Variants in HOXC4 observed in about 807,000 individuals in gnomAD.
HOXC4 encodes homeobox protein Hox-C4.
Under a neutral mutation model 25.5 loss-of-function variants are expected in HOXC4, and 15 were observed. That is an observed-to-expected ratio of 0.59 (90% CI 0.39 to 0.91). The LOEUF (loss-of-function observed/expected upper bound fraction) is 0.91. Among genes scored for constraint, HOXC4 ranks in the 40% least tolerant of loss-of-function variants. The pLI, the probability that HOXC4 is intolerant of heterozygous loss-of-function variation, is 0.00. For missense variants in HOXC4, 342 were observed against 352.4 expected, an observed-to-expected ratio of 0.97 and a Z score of 0.24; for synonymous variants, 165 against 148.0, an observed-to-expected ratio of 1.11 and a Z score of -0.83.
In HOXC4 at chr12:54,054,441, C is replaced by A. The variant is rs886133913; in HGVS notation, c.439+80C>A. On this transcript the variant is annotated intron_variant, in intron 1 of 1. Coordinates refer to ENST00000430889, the MANE Select transcript of HOXC4 (RefSeq NM_153633.3). ...CCACCCTCCTCGGCCCCCTCTGGCC[C>A]CCGTCCTCCTTTCTCTCCTTCCCCC... 6.4e-6 allele frequency: 6 copies of A among 930,306 alleles called. No homozygotes were observed. In the Admixed American group the frequency reaches 1.5e-4, roughly 23 times the overall value. 57.6% of individuals were successfully genotyped at this position (930,306 alleles called of 1,614,324 possible). A position where few individuals can be genotyped will look rare whatever the true frequency, so the allele number is the denominator to read the frequency against.
rs377315282 is a variant in HOXC4, at chr12:54,028,601, A to G, written c.-124+11187A>G. ...GACGTCCTCCCCAACGTCGCCCTCA[A>G]TTCCACCGCCTATGATCCAGTGAGG... On this transcript the variant is annotated intron_variant, in intron 1 of 3. Coordinates refer to the HOXC4 transcript ENST00000303406. The G allele has an allele frequency of 2.1e-5, 34 of 1,613,904 alleles. No individual in the cohort carries two copies. The East Asian group carries it at 4.5e-4, about 21-fold the overall frequency.
chr12:54,021,428 A>G (rs955069165), intron 1 of HOXC4: 1 of 152,278 alleles, frequency 6.6e-6, no homozygotes, highest in Non-Finnish European at 1.5e-5. Context: ...ATGGGCTACC[A>G]AGGCTGAGAA....
intron 1 of HOXC4, among the ~76,000 whole-genome samples, chr12:54,024,965 A>G (rs915534754): frequency 6.6e-6 from 1 of 152,118 alleles, no homozygotes; most frequent in African/African-American, 2.4e-5. Context: ...TGTTTTTTGA[A>G]TTCTGTTTTT....
chr12:54,052,487 C>T (rs1937867772), upstream of HOXC4, among the ~76,000 whole-genome samples: 1 of 152,078 alleles, frequency 6.6e-6, no homozygotes, highest in African/African-American at 2.4e-5. Flanking sequence ...TCCCTGGGCT[C>T]TCCCCTCCGC....
Position 54,054,999 on chromosome 12 carries a change from G to A in HOXC4, c.589G>A (p.Glu197Lys). The A allele has an allele frequency of 6.2e-7, 1 of 1,614,076 alleles. No individual in the cohort carries two copies. The highest frequency in any genetic ancestry group is 8.5e-7 in the Non-Finnish European group (1 of 1,180,020). The change falls in exon 2 of 2, where the codon GAG becomes AAG. Residue 197 changes from glutamate to lysine, a missense_variant. Physicochemically the swap from Glu to Lys is moderately conservative, Grantham distance 56 (BLOSUM62 1). Transcript: ENST00000430889. Reference protein sequence around the residue: ...IEIAHSLCLSERQIKIWFQNR... With the variant: ...IEIAHSLCLSKRQIKIWFQNR... ...GATCGCCCACTCGCTGTGCCTCTCT[G>A]AGAGGCAGATCAAAATCTGGTTCCA... is the stretch of plus-strand genomic sequence containing the variant.
intron 1 of HOXC4, among the ~76,000 whole-genome samples, chr12:54,025,530 G>A (rs974928372): frequency 0.017 from 733 of 42,092 alleles, 18 homozygotes; most frequent in Non-Finnish European, 0.027. Flanking sequence ...AGGTAATTGG[G>A]GGGGGGGGAG....
At chr12:54,029,612 C>CT in intron 1 of HOXC4, 1 of 1,585,424 alleles carries the variant, frequency 6.3e-7, no homozygotes, top group Non-Finnish European at 8.6e-7. Flanking sequence ...GCAGAGGACG[C>CT]TTTGCTGATT....
intron 1 of HOXC4, among the ~76,000 whole-genome samples, chr12:54,038,760 C>T (rs1271738283): frequency 6.6e-6 from 1 of 152,132 alleles, no homozygotes; most frequent in Non-Finnish European, 1.5e-5. Context: ...CCTAGAGGTT[C>T]CTGCTGTGAG....
At chr12:54,039,575 G>A (rs1277552883) in intron 1 of HOXC4, among the ~76,000 whole-genome samples, 1 of 151,834 alleles carries the variant, frequency 6.6e-6, no homozygotes, top group East Asian at 1.9e-4. Flanking sequence ...CTCCAGCAAC[G>A]CATTGGAAAA....
At chr12:54,034,644 A>C in intron 1 of HOXC4, 1 of 644,622 alleles carries the variant, frequency 1.6e-6, no homozygotes, top group South Asian at 2.0e-5. Context: ...TTTCCTTGGC[A>C]TTCCGCATCC....
chr12:54,054,382 C>T, intron 1 of HOXC4, 21 bp downstream of exon 1: 3 of 1,487,636 alleles, frequency 2.0e-6, no homozygotes, highest in East Asian at 2.3e-5. Flanking sequence ...TTGCTTTTTG[C>T]TCCCCCCCTC....
chr12:54,033,379 C>T (rs763873244), intron 1 of HOXC4: 11 of 1,613,046 alleles, frequency 6.8e-6, no homozygotes, highest in Non-Finnish European at 9.3e-6. Context: ...GGACACGCTC[C>T]GGGCAGAGAC....
chr12:54,038,240 T>C (rs1393395869), intron 1 of HOXC4, among the ~76,000 whole-genome samples: 8 of 152,302 alleles, frequency 5.3e-5, no homozygotes, highest in Middle Eastern at 3.4e-3. Flanking sequence ...CCTTATTCTC[T>C]CTGACTGCAA....
At chr12:54,041,074 G>A (rs1438171646) in intron 1 of HOXC4, among the ~76,000 whole-genome samples, 2 of 152,182 alleles carry the variant, frequency 1.3e-5, no homozygotes, top group African/African-American at 4.8e-5. Flanking sequence ...AATAATAATA[G>A]ACTAGGTGAT....
At chr12:54,029,412 C>CA (rs1491568485) in intron 1 of HOXC4, among the ~76,000 whole-genome samples, 1 of 46,100 alleles carries the variant, frequency 2.2e-5, no homozygotes, top group East Asian at 1.6e-3. Context: ...CGCCCCCCCG[C>CA]CCCCCCCCCC....
chr12:54,051,544 C>T (rs575953507), upstream of HOXC4, among the ~76,000 whole-genome samples: 32 of 152,330 alleles, frequency 2.1e-4, no homozygotes, highest in African/African-American at 7.5e-4. Context: ...GCAGAGAGTT[C>T]CGGACAAGAG....
intron 1 of HOXC4, chr12:54,034,252 G>C (rs775110904): frequency 6.3e-7 from 1 of 1,593,818 alleles, no homozygotes; most frequent in Admixed American, 1.7e-5. Context: ...ACCCCTTCCT[G>C]GCTTGGGGTG....
At chr12:54,051,271 C>G (rs1481954247), upstream of HOXC4, among the ~76,000 whole-genome samples, 3 of 151,904 alleles carry the variant, frequency 2.0e-5, no homozygotes, top group African/African-American at 4.8e-5. Flanking sequence ...CTTCATCAAC[C>G]CTCTCCACAT....
At chr12:54,017,673 C>A (rs989624943) in intron 1 of HOXC4, among the ~76,000 whole-genome samples, 1 of 152,014 alleles carries the variant, frequency 6.6e-6, no homozygotes, top group Admixed American at 6.6e-5. Flanking sequence ...GGGAACAGCA[C>A]CTGTGGGGCT....
Sources: allele counts gnomAD v4.1 joint callset (sites outside exome capture counted in the v4.1 genomes callset), GRCh38; gene constraint gnomAD v4.1.1; transcripts MANE v1.5; gene names NCBI Gene and HGNC (gene_info 2026-07-23, HGNC 2026-07-21).